NAA16: variants seen among roughly 807,000 people sequenced by gnomAD.
NAA16 encodes the protein NARG1-like protein.
Under a neutral mutation model 110.3 loss-of-function variants are expected in NAA16, and 97 were observed. The ratio of observed to expected loss-of-function variants is 0.88; its 90% CI spans 0.75 to 1.04. The LOEUF (loss-of-function observed/expected upper bound fraction) is 1.04. NAA16 is among the 50% of genes least tolerant of loss of function. The pLI, the probability that NAA16 is intolerant of heterozygous loss-of-function variation, is 0.00. For missense variants in NAA16, 1,017 were observed against 1,005.1 expected, an observed-to-expected ratio of 1.01 and a Z score of -0.16; for synonymous variants, 372 against 330.6, an observed-to-expected ratio of 1.13 and a Z score of -1.36.
chr13:41,368,961 G>C (rs753701794), intron 14 of NAA16, 129 bp from the exon 15 acceptor site: 15 of 640,574 alleles, frequency 2.3e-5, no homozygotes, highest in Non-Finnish European at 3.9e-5. Flanking sequence ...TGGACTTTGT[G>C]GGGGTGGGGG....
intron 1 of NAA16, among the ~76,000 whole-genome samples, chr13:41,313,533 T>C (rs896872377): frequency 1.3e-5 from 2 of 152,238 alleles, no homozygotes; most frequent in African/African-American, 4.8e-5. Flanking sequence ...AAATTATCTT[T>C]AAAGTTTAGT....
chr13:41,367,663 A>G lies in NAA16; in HGVS notation c.1753+11A>G. 6.4e-7 allele frequency: 1 copy of G among 1,564,450 alleles called. No homozygotes were observed. The highest frequency in any genetic ancestry group is 1.2e-5 in the South Asian group (1 of 86,738). On this transcript the variant is annotated intron_variant, in intron 14 of 19. Transcript: ENST00000379406. ...AAGAAATAAACTCAGGTAACTGAAT[A>G]GGAACTTAAAAGATTTTAAAAGGAC...
At chr13:41,370,958 CAAT>C (rs1415033740) in intron 15 of NAA16, among the ~76,000 whole-genome samples, 3 of 152,156 alleles carry the variant, frequency 2.0e-5, no homozygotes, top group East Asian at 1.9e-4. Context: ...AAGCCTGAAA[CAAT>C]AAATCCCTGC....
At chr13:41,320,894 T>A in intron 4 of NAA16, 70 bp downstream of exon 4, 1 of 1,416,590 alleles carries the variant, frequency 7.1e-7, no homozygotes, top group Non-Finnish European at 9.5e-7. Context: ...CATTTCAGAA[T>A]GAGGTGAGCA....
chr13:41,320,545 C>T (rs535248322), intron 3 of NAA16, 122 bp from the exon 4 acceptor site: 1 of 943,194 alleles, frequency 1.1e-6, no homozygotes, highest in Non-Finnish European at 1.5e-6. Flanking sequence ...CTCCCCCAGA[C>T]TCCAGATCAT....
Position 41,336,650 on chromosome 13 carries a change from G to GT in NAA16, c.909dup (p.Glu304Ter). On this transcript the variant is annotated frameshift_variant and splice_region_variant, in exon 9 of 20. Transcript: ENST00000379406. LOFTEE classifies it high-confidence loss of function. ...TAACAAAGTACGCTTTTGTTTCTAGGTGAAAGATTTAGAGAACTAATGGAT... is the reference window on the plus strand; with the variant it reads ...TAACAAAGTACGCTTTTGTTTCTAGGTTGAAAGATTTAGAGAACTAATGGAT... 1 of 1,557,140 alleles carries GT rather than the reference G, an allele frequency of 6.4e-7. No homozygotes were observed. The highest frequency in any genetic ancestry group is 2.3e-5 in the East Asian group (1 of 43,880).
chr13:41,314,701 A>C (rs1389324799), intron 1 of NAA16, among the ~76,000 whole-genome samples: 1 of 152,182 alleles, frequency 6.6e-6, no homozygotes, highest in African/African-American at 2.4e-5. Context: ...AGTATGTAAA[A>C]TAGGCTAAGG....
At chr13:41,330,797 T>C (rs1006362851) in intron 7 of NAA16, among the ~76,000 whole-genome samples, 2 of 152,100 alleles carry the variant, frequency 1.3e-5, no homozygotes, top group Admixed American at 6.6e-5. Context: ...CATGGAAGTT[T>C]AGTTTATCTT....
rs147538508 is a variant in NAA16, at chr13:41,371,614, T to C, written c.1948-589T>C. 5.7e-3 allele frequency among the ~76,000 whole-genome samples: 865 copies of C among 152,302 alleles called. 3 individuals carry two copies. The highest frequency in any genetic ancestry group is 9.9e-3 in the Non-Finnish European group (674 of 68,022). On this transcript the variant is annotated intron_variant, in intron 15 of 19. Coordinates refer to ENST00000379406, the MANE Select transcript of NAA16 (RefSeq NM_024561.5). ...TAGTATTTTATTTTCTATAGCTTAC[T>C]TTATTATAAGAATACAGTATACAAT...
chr13:41,343,983 G>A (rs1183479341), intron 9 of NAA16, among the ~76,000 whole-genome samples: 2 of 152,226 alleles, frequency 1.3e-5, no homozygotes, highest in African/African-American at 4.8e-5. Flanking sequence ...TGCCCCAGCA[G>A]TTTCATAAGC....
Position 41,358,462 on chromosome 13 carries a change from A to G in NAA16, c.1246A>G (p.Lys416Glu), listed in dbSNP as rs753436763. The G allele has an allele frequency of 1.9e-6, 3 of 1,613,380 alleles. No homozygotes were observed. The highest frequency in any genetic ancestry group is 2.5e-6 in the Non-Finnish European group (3 of 1,179,410). Reference protein sequence around the residue: ...TLIELFYMKAKIYKHIGNLKE... With the variant: ...TLIELFYMKAEIYKHIGNLKE... The stretch of plus-strand genomic sequence containing the variant: ...AATAGAATTATTCTATATGAAAGCA[A>G]AAATTTACAAGGTAAAATCTGAATC... The change falls in exon 11 of 20, where the codon AAA (lysine) becomes GAA (glutamate). Residue 416 changes from lysine to glutamate, a missense_variant. Physicochemically the swap from Lys to Glu is moderately conservative, Grantham distance 56. Transcript: ENST00000379406.
intron 10 of NAA16, among the ~76,000 whole-genome samples, chr13:41,356,372 A>G (rs1440823086): frequency 6.6e-6 from 1 of 151,684 alleles, no homozygotes; most frequent in Non-Finnish European, 1.5e-5. Flanking sequence ...TCATCTGTAA[A>G]TATCTTAGTG....
Position 41,318,913 on chromosome 13 carries a change from A to G in NAA16, c.244+3A>G, listed in dbSNP as rs1238743009. The G allele has an allele frequency of 6.5e-7, 1 of 1,536,172 alleles. No homozygotes were observed. The highest frequency in any genetic ancestry group is 2.3e-5 in the East Asian group (1 of 43,756). ...TAATGATGTCAAGAGTCATGTCTGTATCCTTTTGCAGTAGTTAAATAGTTT... is the reference window on the plus strand; with the variant it reads ...TAATGATGTCAAGAGTCATGTCTGTGTCCTTTTGCAGTAGTTAAATAGTTT... On this transcript the variant is annotated splice_donor_region_variant and intron_variant, in intron 3 of 19. Transcript: ENST00000379406.
chr13:41,333,859 A>G (rs1460403774), intron 8 of NAA16, among the ~76,000 whole-genome samples: 1 of 151,510 alleles, frequency 6.6e-6, no homozygotes, highest in African/African-American at 2.4e-5. Flanking sequence ...TTTTTATTGT[A>G]AAGTGTGATT....
At chr13:41,353,306 T>C (rs555391675) in intron 9 of NAA16, among the ~76,000 whole-genome samples, 101 of 152,342 alleles carry the variant, frequency 6.6e-4, no homozygotes, top group Non-Finnish European at 6.9e-4. Context: ...AAAAAGGTTT[T>C]TAAGTTACAG....
intron 19 of NAA16, among the ~76,000 whole-genome samples, 190 bp downstream of exon 19, chr13:41,375,029 G>T (rs1050144105): frequency 2.6e-5 from 4 of 152,184 alleles, no homozygotes; most frequent in African/African-American, 9.7e-5. Flanking sequence ...TAAGATGAGG[G>T]TGAAAATACT....
intron 8 of NAA16, among the ~76,000 whole-genome samples, chr13:41,336,445 CAGTG>C (rs1566263729): frequency 6.6e-6 from 1 of 152,108 alleles, no homozygotes; most frequent in Non-Finnish European, 1.5e-5. Flanking sequence ...GTGTGCTAGT[CAGTG>C]AGAGATTAGG....
chr13:41,311,518 T>C lies in NAA16; in HGVS notation c.-11T>C. The C allele has an allele frequency of 6.3e-7, 1 of 1,598,356 alleles. No homozygotes were observed. The highest frequency in any genetic ancestry group is 8.5e-7 in the Non-Finnish European group (1 of 1,173,092). ...CTCCCTGCCGGCCACCTAGCCTCCCTGCCGGCCACGATGCCGAACGTGCTG... is the reference window on the plus strand; with the variant it reads ...CTCCCTGCCGGCCACCTAGCCTCCCCGCCGGCCACGATGCCGAACGTGCTG... On this transcript the variant is annotated 5_prime_UTR_variant, in exon 1 of 20. Coordinates refer to ENST00000379406, the MANE Select transcript of NAA16 (RefSeq NM_024561.5).
At chr13:41,329,506 ATT>A (rs35949933) in intron 7 of NAA16, among the ~76,000 whole-genome samples, 12 of 138,700 alleles carry the variant, frequency 8.7e-5, no homozygotes, top group Non-Finnish European at 1.1e-4. Context: ...AAACAGCAGA[ATT>A]TTTTTTTTTT....
Sources: gnomAD v4.1 joint callset for allele counts (sites outside exome capture counted in the v4.1 genomes callset) on GRCh38, gnomAD v4.1.1 for gene constraint, MANE v1.5 for transcripts, NCBI Gene and HGNC (gene_info 2026-07-23, HGNC 2026-07-21) for gene names.